The following ANK2 variants were observed in gnomAD, a reference collection of about 807,000 sequenced individuals.
ANK2 encodes the protein ankyrin-2.
ANK2 carries 83 observed loss-of-function variants against 360.5 expected under a neutral mutation model. That is an observed-to-expected ratio of 0.23 (90% CI 0.19 to 0.28). The LOEUF is 0.28. ANK2 is among the 10% of genes least tolerant of loss of function. The pLI is 1.00. For missense variants in ANK2, 4,201 were observed against 4,795.7 expected, an observed-to-expected ratio of 0.88 and a Z score of 3.66; for synonymous variants, 1,740 against 1,759.5, an observed-to-expected ratio of 0.99 and a Z score of 0.28.
the ANK2 span, among the ~76,000 whole-genome samples, chr4:112,791,479 CTTTTTTTTTTT>C: frequency 7.5e-5 from 7 of 93,898 alleles, no homozygotes; most frequent in Admixed American, 1.3e-4. Context: ...TCTTCTTCTT[CTTTTTTTTTTT>C]TTTTTTTTTT....
chr4:113,092,574 T>G (rs1422284120), intron 1 of ANK2, among the ~76,000 whole-genome samples: 1 of 100,442 alleles, frequency 1.0e-5, no homozygotes, highest in Admixed American at 9.5e-5. Context: ...GAATTAGCTA[T>G]TCATCTTTGA....
Position 113,381,833 on chromosome 4 carries a change from G to A in ANK2, c.*362G>A. 1 of 481,320 alleles carries A rather than the reference G, an allele frequency of 2.1e-6. No individual in the cohort carries two copies. Among genetic ancestry groups the A allele is most frequent in the Non-Finnish European group, 3.7e-6 (1 of 272,540 alleles). The allele number at this position is 481,320 out of a possible 1,614,324, so 29.8% of individuals were successfully genotyped here. A position where few individuals can be genotyped will look rare whatever the true frequency, so the allele number is the denominator to read the frequency against. ...TAAAGCTAATTTGTGACCAAAGATG[G>A]CATCCTTCATACTGGATGCTGTATC... On this transcript the variant is annotated 3_prime_UTR_variant, in exon 46 of 46. Coordinates refer to ENST00000357077, the MANE Select transcript of ANK2 (RefSeq NM_001148.6).
At chr4:112,827,389 C>G (rs1176190219) in intron 1 of ANK2, 7 of 1,375,954 alleles carry the variant, frequency 5.1e-6, no homozygotes, top group Non-Finnish European at 6.2e-6. Context: ...TCTCACAGCT[C>G]TTGCAGCTAT....
At chr4:113,143,281 T>G (rs913547853) in intron 1 of ANK2, among the ~76,000 whole-genome samples, 4 of 34,208 alleles carry the variant, frequency 1.2e-4, no homozygotes, top group Non-Finnish European at 1.8e-4. Flanking sequence ...AAAGGAAAGC[T>G]TTAAAATTAA....
intron 9 of ANK2, among the ~76,000 whole-genome samples, chr4:113,248,661 G>A (rs2044356009): frequency 6.6e-6 from 1 of 152,036 alleles, no homozygotes; most frequent in Non-Finnish European, 1.5e-5. Flanking sequence ...GCGATTCAGA[G>A]GAATTATTTT....
Position 113,038,104 on chromosome 4 carries a change from T to C in ANK2, c.21+133590T>C, listed in dbSNP as rs1009766263. ...GCTTGTTTTTTAATTATCTTTTTTT[T>C]GTATAGAATTTAAGGCTGTTACGAG... On this transcript the variant is annotated intron_variant, in intron 2 of 30. Transcript: ENST00000503271. Among the ~76,000 whole-genome samples the C allele has an allele frequency of 2.0e-5, 3 of 151,990 alleles. No individual in the cohort carries two copies. In the East Asian group the frequency reaches 5.8e-4, roughly 29 times the overall value.
chr4:112,802,744 A>G, the ANK2 span, among the ~76,000 whole-genome samples: 9 of 152,186 alleles, frequency 5.9e-5, no homozygotes, highest in African/African-American at 9.7e-5. Context: ...TTTGAAGAGC[A>G]ATATAGACAA....
At chr4:113,142,474 C>T (rs1488523400) in intron 1 of ANK2, among the ~76,000 whole-genome samples, 1 of 152,028 alleles carries the variant, frequency 6.6e-6, no homozygotes, top group Non-Finnish European at 1.5e-5. Flanking sequence ...TGATGTTTTC[C>T]AGGTTCCAGG....
At chr4:113,097,065 T>C (rs2091350432) in intron 1 of ANK2, among the ~76,000 whole-genome samples, 1 of 78,742 alleles carries the variant, frequency 1.3e-5, no homozygotes, top group Admixed American at 1.2e-4. Context: ...TGGGCTAGGA[T>C]GTCTGTCATT....
chr4:113,103,064 C>A (rs2093133867), intron 1 of ANK2, among the ~76,000 whole-genome samples: 1 of 151,636 alleles, frequency 6.6e-6, no homozygotes, highest in Non-Finnish European at 1.5e-5. Context: ...ATTTCATTTA[C>A]TTAGAAAAAC....
At chr4:112,824,652 C>A (rs142753666) in intron 1 of ANK2, among the ~76,000 whole-genome samples, 2 of 152,102 alleles carry the variant, frequency 1.3e-5, no homozygotes, top group Middle Eastern at 3.4e-3. Flanking sequence ...TACAGACATG[C>A]GCCACCACAC....
At chr4:112,801,476 G>T in the ANK2 span, among the ~76,000 whole-genome samples, 2 of 152,162 alleles carry the variant, frequency 1.3e-5, no homozygotes, top group African/African-American at 4.8e-5. Flanking sequence ...TGGGAGACAA[G>T]TGAATAGGCA....
intron 1 of ANK2, among the ~76,000 whole-genome samples, chr4:112,897,747 T>G (rs186002471): frequency 2.0e-5 from 3 of 152,158 alleles, no homozygotes; most frequent in African/African-American, 7.2e-5. Context: ...CAATTCCCCT[T>G]GCTCACCGTT....
intron 1 of ANK2, among the ~76,000 whole-genome samples, chr4:113,074,815 A>T (rs313964): frequency 0.77 from 116,424 of 152,142 alleles, 44,981 homozygotes; most frequent in Non-Finnish European, 0.82. Context: ...TACCATTAAT[A>T]TGTAATTTCA....
upstream of ANK2, among the ~76,000 whole-genome samples, chr4:113,044,928 C>T (rs1302365011): frequency 1.3e-5 from 2 of 152,120 alleles, no homozygotes; most frequent in Non-Finnish European, 2.9e-5. Context: ...GCTTTGGTGT[C>T]CCCTATTGGA....
At chr4:112,850,917 A>G (rs2064821771) in intron 1 of ANK2, among the ~76,000 whole-genome samples, 1 of 151,558 alleles carries the variant, frequency 6.6e-6, no homozygotes, top group African/African-American at 2.4e-5. Context: ...CTTTACATTC[A>G]CCCTTAAAAA....
At chr4:113,212,490 A>T (rs2099035065) in intron 4 of ANK2, among the ~76,000 whole-genome samples, 1 of 152,208 alleles carries the variant, frequency 6.6e-6, no homozygotes, top group South Asian at 2.1e-4. Context: ...AGAAGTTTTT[A>T]AGACTTTAAA....
chr4:112,788,599 G>A, the ANK2 span: 1 of 1,588,874 alleles, frequency 6.3e-7, no homozygotes, highest in South Asian at 1.1e-5. Context: ...TTAAGCAGCT[G>A]AGTAGCTGTT....
At chr4:113,142,484 G>C (rs889417375) in intron 1 of ANK2, among the ~76,000 whole-genome samples, 10 of 152,226 alleles carry the variant, frequency 6.6e-5, no homozygotes, top group African/African-American at 2.4e-4. Context: ...CAGGTTCCAG[G>C]TTGGTAATTT....
Sources: gnomAD v4.1 joint callset for allele counts (sites outside exome capture counted in the v4.1 genomes callset) on GRCh38, gnomAD v4.1.1 for gene constraint, MANE v1.5 for transcripts, NCBI Gene and HGNC (gene_info 2026-07-23, HGNC 2026-07-21) for gene names.